Variants in ARPP21 observed in about 807,000 individuals in gnomAD.
ARPP21 encodes cAMP regulated phosphoprotein 21.
In ARPP21, 69 loss-of-function variants were observed where a neutral mutation model predicts 113.2. The ratio of observed to expected loss-of-function variants is 0.61; its 90% CI spans 0.50 to 0.74. ARPP21 has a LOEUF of 0.74. Ranked by LOEUF, ARPP21 falls within the 30% of genes least tolerant of loss-of-function variation. The pLI, the probability that ARPP21 is intolerant of heterozygous loss-of-function variation, is 0.00. For missense variants in ARPP21, 1,070 were observed against 1,037.4 expected (o/e 1.03, Z -0.43); for synonymous variants, 368 against 375.5 (o/e 0.98, Z 0.23).
intron 17 of ARPP21, among the ~76,000 whole-genome samples, chr3:35,738,521 C>T (rs1025832882): frequency 6.6e-6 from 1 of 152,142 alleles, no homozygotes; most frequent in African/African-American, 2.4e-5. Flanking sequence ...CTGTCCCATG[C>T]TGAGTGCTTC....
Position 35,721,586 on chromosome 3 carries a change from T to C in ARPP21, c.996-19T>C. On this transcript the variant is annotated intron_variant, in intron 13 of 20. Transcript: ENST00000684406. ...AGGTAATCCTGTCCCTGTGCATCTT[T>C]CTGGTGGTCGTACTCCAGGGGCAAC... The C allele has an allele frequency of 1.4e-6, 2 of 1,410,200 alleles. No homozygotes were observed. The highest frequency in any genetic ancestry group is 2.0e-6 in the Non-Finnish European group (2 of 995,554). 87.4% of individuals were successfully genotyped at this position (1,410,200 alleles called of 1,614,324 possible). A position where few individuals can be genotyped will look rare whatever the true frequency, so the allele number is the denominator to read the frequency against.
intron 5 of ARPP21, chr3:35,685,945 AT>A (rs909073066): frequency 5.6e-5 from 20 of 355,028 alleles, no homozygotes; most frequent in Middle Eastern, 1.5e-3. Context: ...TAGAAAAGAT[AT>A]TTTTTTTCCT....
intron 19 of ARPP21, chr3:35,785,263 C>T (rs2096605689): frequency 6.6e-6 from 1 of 152,160 alleles, no homozygotes; most frequent in Non-Finnish European, 1.5e-5. Context: ...CATGCAACCT[C>T]ATTAAGAAAG....
At chr3:35,684,460 A>G in intron 5 of ARPP21, 2 of 982,658 alleles carry the variant, frequency 2.0e-6, no homozygotes, top group Non-Finnish European at 1.2e-6. Flanking sequence ...AATTTAAACA[A>G]AATTATTTCA....
intron 1 of ARPP21, among the ~76,000 whole-genome samples, chr3:35,646,847 A>C (rs1372458456): frequency 1.3e-5 from 2 of 152,170 alleles, no homozygotes; most frequent in Admixed American, 1.3e-4. Flanking sequence ...AAATTGTCAA[A>C]CAACTGGCAT....
intron 8 of ARPP21, among the ~76,000 whole-genome samples, chr3:35,690,544 T>C (rs1176245716): frequency 2.0e-5 from 3 of 151,576 alleles, no homozygotes; most frequent in Non-Finnish European, 4.4e-5. Context: ...AATCACGTAT[T>C]ATGTCACATC....
chr3:35,658,078 A>G (rs1168086925), intron 1 of ARPP21, among the ~76,000 whole-genome samples: 4 of 152,246 alleles, frequency 2.6e-5, no homozygotes, highest in Non-Finnish European at 5.9e-5. Context: ...GATAAAAGAT[A>G]CAGTTTTTAC....
chr3:35,670,449 T>A (rs1005473238), intron 1 of ARPP21, among the ~76,000 whole-genome samples: 1 of 152,066 alleles, frequency 6.6e-6, no homozygotes, highest in Admixed American at 6.6e-5. Flanking sequence ...GTTGACATCA[T>A]CGGGTCATAT....
chr3:35,734,824 C>T (rs7649761), intron 15 of ARPP21, among the ~76,000 whole-genome samples: 1 of 151,942 alleles, frequency 6.6e-6, no homozygotes, highest in African/African-American at 2.4e-5. Flanking sequence ...AATATATAGG[C>T]GAAGTGCATG....
chr3:35,669,573 C>T (rs2075808494), intron 1 of ARPP21, among the ~76,000 whole-genome samples: 1 of 152,136 alleles, frequency 6.6e-6, no homozygotes, highest in South Asian at 2.1e-4. Flanking sequence ...GCCAGATTTT[C>T]AGCCTCCATT....
In ARPP21 at chr3:35,687,541, T is replaced by A. The variant is rs374553274; in HGVS notation, c.262-198T>A. 4.0e-5 allele frequency among the ~76,000 whole-genome samples: 6 copies of A among 151,536 alleles called. No individual in the cohort carries two copies. The East Asian group carries it at 1.2e-3, about 30-fold the overall frequency. ...AAGTTTTAGTACTAGATGTTCCTTATGACCTCCCATTGACTCCTGAAGATT... is the reference window on the plus strand; with the variant it reads ...AAGTTTTAGTACTAGATGTTCCTTAAGACCTCCCATTGACTCCTGAAGATT... On this transcript the variant is annotated intron_variant, in intron 5 of 20. Coordinates refer to ENST00000684406, the MANE Select transcript of ARPP21 (RefSeq NM_001385562.1).
At chr3:35,746,399 G>A (rs189087942) in intron 19 of ARPP21, among the ~76,000 whole-genome samples, 6 of 152,292 alleles carry the variant, frequency 3.9e-5, no homozygotes, top group African/African-American at 1.4e-4. Context: ...AGTCATTTGT[G>A]AGAGCAACTC....
chr3:35,689,296 A>G lies in ARPP21; in HGVS notation c.407-11A>G, dbSNP rs771241725. The G allele has an allele frequency of 1.4e-6, 2 of 1,403,398 alleles. No individual in the cohort carries two copies. Among genetic ancestry groups the G allele is most frequent in the Non-Finnish European group, 2.0e-6 (2 of 988,920 alleles). 86.9% of individuals were successfully genotyped at this position (1,403,398 alleles called of 1,614,324 possible). ...TCATTCCTGACAGCTCCGTCCTGCTATTTGTTTCAGATTGCAGCCAAGAAT... is the reference window on the plus strand; with the variant it reads ...TCATTCCTGACAGCTCCGTCCTGCTGTTTGTTTCAGATTGCAGCCAAGAAT... On this transcript the variant is annotated splice_polypyrimidine_tract_variant and intron_variant, in intron 6 of 20. Transcript: ENST00000684406.
intron 14 of ARPP21, among the ~76,000 whole-genome samples, chr3:35,726,574 A>G (rs1451109083): frequency 6.6e-6 from 1 of 152,138 alleles, no homozygotes; most frequent in Non-Finnish European, 1.5e-5. Context: ...CATTTCTCCT[A>G]TTGATGCTGC....
chr3:35,640,770 G>A (rs764173228), intron 1 of ARPP21, among the ~76,000 whole-genome samples: 2 of 152,130 alleles, frequency 1.3e-5, no homozygotes, highest in African/African-American at 2.4e-5. Context: ...GAAGGATTGG[G>A]GTCCTAGGTC....
chr3:35,684,626 AG>A, intron 5 of ARPP21: 2 of 985,422 alleles, frequency 2.0e-6, no homozygotes, highest in Non-Finnish European at 2.4e-6. Flanking sequence ...ACCTGAGCCC[AG>A]GGGAGGGAAA....
intron 1 of ARPP21, among the ~76,000 whole-genome samples, chr3:35,668,484 C>T (rs1452290677): frequency 4.6e-5 from 7 of 152,008 alleles, no homozygotes; most frequent in Non-Finnish European, 8.8e-5. Flanking sequence ...ATGCCCAAGC[C>T]CCATATGAGT....
chr3:35,692,445 G>A lies in ARPP21; in HGVS notation c.686+1440G>A, dbSNP rs112068110. 5.4e-3 allele frequency among the ~76,000 whole-genome samples: 820 copies of A among 151,636 alleles called. 3 individuals are homozygous for A. Among genetic ancestry groups the A allele is most frequent in the Non-Finnish European group, 7.8e-3 (529 of 67,714 alleles). ...AGATATCATCATGCAGGGACATGCT[G>A]ATTGCAAAATAGAAAAGCAGTTGAC... On this transcript the variant is annotated intron_variant, in intron 9 of 20. Coordinates refer to ENST00000684406, the MANE Select transcript of ARPP21 (RefSeq NM_001385562.1).
chr3:35,655,677 C>T (rs1399185109), intron 1 of ARPP21, among the ~76,000 whole-genome samples: 4 of 151,958 alleles, frequency 2.6e-5, no homozygotes, highest in Admixed American at 2.6e-4. Flanking sequence ...CCATCCTATT[C>T]CTTAAGTGAA....
Sources: gnomAD v4.1 joint callset for allele counts (sites outside exome capture counted in the v4.1 genomes callset) on GRCh38, gnomAD v4.1.1 for gene constraint, MANE v1.5 for transcripts, NCBI Gene and HGNC (gene_info 2026-07-23, HGNC 2026-07-21) for gene names.